The following ELAPOR2 variants were observed in gnomAD, a reference collection of about 807,000 sequenced individuals.
ELAPOR2 encodes endosome/lysosome-associated apoptosis and autophagy regulator family member 2.
ELAPOR2 carries 89 observed loss-of-function variants against 120.7 expected under a neutral mutation model. That is an observed-to-expected ratio of 0.74 (90% CI 0.62 to 0.88). The LOEUF (loss-of-function observed/expected upper bound fraction) is 0.88, where lower values mean the gene tolerates loss of function less well. Among genes scored for constraint, ELAPOR2 ranks in the 40% least tolerant of loss-of-function variants. The pLI is 0.00. For synonymous variants in ELAPOR2, 444 were observed against 444.9 expected (o/e 1.00, Z 0.03); for missense variants, 1,134 against 1,251.6 (o/e 0.91, Z 1.42).
intron 1 of ELAPOR2, among the ~76,000 whole-genome samples, chr7:87,047,817 C>A (rs956380362): frequency 1.3e-5 from 2 of 152,226 alleles, no homozygotes; most frequent in Non-Finnish European, 2.9e-5. Flanking sequence ...AATCCCACTG[C>A]TGGTTATGGA....
intron 1 of ELAPOR2, among the ~76,000 whole-genome samples, chr7:87,032,232 T>A (rs1794444323): frequency 6.6e-6 from 1 of 152,190 alleles, no homozygotes; most frequent in South Asian, 2.1e-4. Context: ...ATGATTTAAC[T>A]TCTATATAAA....
At chr7:86,977,539 A>C (rs1004637074) in intron 1 of ELAPOR2, among the ~76,000 whole-genome samples, 1 of 152,138 alleles carries the variant, frequency 6.6e-6, no homozygotes, top group Non-Finnish European at 1.5e-5. Context: ...CAATACCATA[A>C]CACCACCCTG....
intron 1 of ELAPOR2, among the ~76,000 whole-genome samples, chr7:87,018,545 G>A (rs1793939360): frequency 6.6e-6 from 1 of 152,134 alleles, no homozygotes; most frequent in Admixed American, 6.6e-5. Flanking sequence ...ACCCAAAAAT[G>A]AACAGGTTCA....
At chr7:86,898,098 T>A (rs957002769) in intron 18 of ELAPOR2, among the ~76,000 whole-genome samples, 3 of 152,094 alleles carry the variant, frequency 2.0e-5, no homozygotes, top group African/African-American at 7.2e-5. Context: ...ACCCAAATGT[T>A]TATCAACAGA....
chr7:86,979,799 C>T lies in ELAPOR2; in HGVS notation c.190-14775G>A, dbSNP rs1300912807. Among the ~76,000 whole-genome samples, 6 of 152,174 alleles carry T rather than the reference C, an allele frequency of 3.9e-5. No individual in the cohort carries two copies. In the East Asian group the frequency reaches 5.8e-4, roughly 15 times the overall value. ...GTCACCCAATCTCACAAACTGCCCA[C>T]GGACAGAAGTAGCTCAGGAGACTCC... On this transcript the variant is annotated intron_variant, in intron 1 of 21. Transcript: ENST00000450689.
At chr7:87,056,929 A>C (rs973229841) in intron 1 of ELAPOR2, among the ~76,000 whole-genome samples, 3 of 152,354 alleles carry the variant, frequency 2.0e-5, no homozygotes, top group African/African-American at 7.2e-5. Flanking sequence ...AATGGCCTAT[A>C]GCTTTTTCTA....
Position 87,059,419 on chromosome 7 carries a change from G to T in ELAPOR2, c.95C>A (p.Ala32Asp). ...RRGRSPPWSP[A>D]WICCWALAGC... ...GGCGAGCGCCCAGCAGCAAATCCAG[G>T]CGGGGCTCCAGGGCGGCGAGCGCCC... The change falls in exon 1 of 22, where the codon GCC (alanine) becomes GAC (aspartate). Residue 32 changes from alanine (A) to aspartate (D), a missense_variant. By Grantham distance (126) the Ala-to-Asp change is moderately radical. This residue lies in a region of ELAPOR2 where 280 missense variants were observed against 331.5 expected (regional missense o/e 0.84). Coordinates refer to ENST00000450689, the MANE Select transcript of ELAPOR2 (RefSeq NM_001142749.3). The T allele has an allele frequency of 2.4e-6, 3 of 1,238,758 alleles. No individual in the cohort carries two copies. The South Asian group carries it at 1.2e-4, about 51-fold the overall frequency. The allele number at this position is 1,238,758 out of a possible 1,614,324, so 76.7% of individuals were successfully genotyped here.
chr7:87,009,100 AAAC>A (rs1232722148), intron 1 of ELAPOR2, among the ~76,000 whole-genome samples: 6 of 152,210 alleles, frequency 3.9e-5, no homozygotes, highest in Admixed American at 6.5e-5. Context: ...GCAAAAAACA[AAAC>A]AACGACAACA....
At chr7:86,902,833 C>T (rs941463177) in intron 18 of ELAPOR2, among the ~76,000 whole-genome samples, 9 of 152,080 alleles carry the variant, frequency 5.9e-5, no homozygotes, top group African/African-American at 1.4e-4. Flanking sequence ...TTTTCCTTTT[C>T]GCCCAATAAA....
At chr7:87,030,853 C>A (rs1466784700) in intron 1 of ELAPOR2, among the ~76,000 whole-genome samples, 1 of 152,098 alleles carries the variant, frequency 6.6e-6, no homozygotes, top group Non-Finnish European at 1.5e-5. Flanking sequence ...ATACCCAAGA[C>A]TGGGTAATTT....
chr7:86,964,078 A>T (rs1791817698), intron 2 of ELAPOR2, among the ~76,000 whole-genome samples: 1 of 152,218 alleles, frequency 6.6e-6, no homozygotes, highest in South Asian at 2.1e-4. Context: ...TATCCAGTTA[A>T]GAATTTGCTT....
intron 1 of ELAPOR2, among the ~76,000 whole-genome samples, chr7:86,976,773 A>C (rs1007807941): frequency 2.0e-5 from 3 of 152,234 alleles, no homozygotes; most frequent in African/African-American, 7.2e-5. Context: ...ACGATCAAAA[A>C]TCACTTGGAT....
chr7:86,923,154 C>T (rs879941326), intron 10 of ELAPOR2, among the ~76,000 whole-genome samples: 1 of 151,546 alleles, frequency 6.6e-6, no homozygotes, highest in Admixed American at 6.6e-5. Flanking sequence ...AAAATATTAC[C>T]CCTTTGAGGT....
chr7:86,960,948 T>C (rs1022310404), intron 2 of ELAPOR2, among the ~76,000 whole-genome samples: 1 of 152,172 alleles, frequency 6.6e-6, no homozygotes, highest in African/African-American at 2.4e-5. Flanking sequence ...AACTAAATAT[T>C]AGAAGTTTAT....
chr7:86,898,559 C>CAA (rs11418158), intron 18 of ELAPOR2, among the ~76,000 whole-genome samples: 3,953 of 65,728 alleles, frequency 0.06, 225 homozygotes, highest in African/African-American at 0.13. Context: ...ACACAATGAC[C>CAA]AAAAAAAAAA....
intron 11 of ELAPOR2, among the ~76,000 whole-genome samples, chr7:86,918,841 G>A (rs190453789): frequency 5.8e-4 from 88 of 152,154 alleles, no homozygotes; most frequent in Non-Finnish European, 9.3e-4. Context: ...AATGAAATGG[G>A]ATTAAGAAAT....
intron 1 of ELAPOR2, among the ~76,000 whole-genome samples, chr7:87,014,151 A>G (rs959395110): frequency 6.6e-6 from 1 of 151,366 alleles, no homozygotes; most frequent in Non-Finnish European, 1.5e-5. Flanking sequence ...AGCTTCCTTC[A>G]TGTATGAGTT....
chr7:86,925,844 A>G (rs1790041220), intron 9 of ELAPOR2, among the ~76,000 whole-genome samples, 188 bp from the exon 10 acceptor site: 1 of 152,066 alleles, frequency 6.6e-6, no homozygotes, highest in Admixed American at 6.6e-5. Flanking sequence ...AAAATTCTAG[A>G]TATATTATAC....
chr7:87,057,770 CT>C (rs1051233419), intron 1 of ELAPOR2, among the ~76,000 whole-genome samples: 4 of 152,216 alleles, frequency 2.6e-5, no homozygotes, highest in African/African-American at 9.6e-5. Flanking sequence ...AAAGGCATCA[CT>C]TCTATTGACC....
Sources: allele counts gnomAD v4.1 joint callset (sites outside exome capture counted in the v4.1 genomes callset), GRCh38; gene constraint gnomAD v4.1.1; regional missense constraint gnomAD v4.1.1; transcripts MANE v1.5; gene names NCBI Gene and HGNC (gene_info 2026-07-23, HGNC 2026-07-21).